Variants in CAPZA1 observed in about 807,000 individuals in gnomAD.
CAPZA1 encodes capping actin protein of muscle Z-line subunit alpha 1.
A neutral mutation model predicts 40.8 loss-of-function variants in CAPZA1; 10 were observed. The ratio of observed to expected loss-of-function variants is 0.25; its 90% CI spans 0.15 to 0.42. The LOEUF is 0.42. Ranked by LOEUF, CAPZA1 falls within the 10% of genes least tolerant of loss-of-function variation. The pLI is 1.00. For missense variants in CAPZA1, 277 were observed against 353.8 expected, an observed-to-expected ratio of 0.78 and a Z score of 1.74; for synonymous variants, 98 against 115.0, an observed-to-expected ratio of 0.85 and a Z score of 0.95.
chr1:112,627,176 G>C (rs1225953393), intron 1 of CAPZA1, among the ~76,000 whole-genome samples: 1 of 152,222 alleles, frequency 6.6e-6, no homozygotes, highest in Non-Finnish European at 1.5e-5. Flanking sequence ...GTTGTCTGCT[G>C]TCAGAGCCTA....
chr1:112,634,194 T>C (rs1000128397), intron 1 of CAPZA1, among the ~76,000 whole-genome samples: 3 of 152,176 alleles, frequency 2.0e-5, no homozygotes, highest in South Asian at 4.1e-4. Context: ...CCTGTACATA[T>C]CTCTTTCAGG....
chr1:112,636,351 T>C (rs755845746), intron 1 of CAPZA1, among the ~76,000 whole-genome samples: 3 of 152,208 alleles, frequency 2.0e-5, no homozygotes, highest in Admixed American at 6.5e-5. Context: ...ATAAGACGAA[T>C]GGGAAGAAAT....
At position 112,641,880 on chromosome 1, in the gene CAPZA1, C is replaced by T. The variant is rs1289658018; in HGVS notation, c.40-5330C>T. On this transcript the variant is annotated intron_variant, in intron 1 of 9. Transcript: ENST00000263168. ...CTCCAGCCTGGGTGACAGACTGAGA[C>T]TGTCTCAAAAAAAAAAAAAAAAAAA... 1.9e-4 allele frequency among the ~76,000 whole-genome samples: 20 copies of T among 105,798 alleles called. No individual in the cohort carries two copies. The Middle Eastern group carries it at 0.03, about 158-fold the overall frequency. The allele number at this position is 105,798 out of a possible 152,430, so 69.4% of individuals were successfully genotyped here. A position where few individuals can be genotyped will look rare whatever the true frequency, so the allele number is the denominator to read the frequency against.
chr1:112,648,347 C>CTTTTTTTTTTTTT (rs35670246), intron 2 of CAPZA1, among the ~76,000 whole-genome samples: 13 of 99,386 alleles, frequency 1.3e-4, no homozygotes, highest in East Asian at 3.0e-4. Context: ...TTGAATTTTT[C>CTTTTTTTTTTTTT]TTTTTTTTTT....
intron 4 of CAPZA1, among the ~76,000 whole-genome samples, 174 bp downstream of exon 4, chr1:112,653,835 C>A (rs1480301382): frequency 6.6e-6 from 1 of 152,152 alleles, no homozygotes; most frequent in Admixed American, 6.6e-5. Flanking sequence ...CTAGCAGTTT[C>A]TTTGACAAGA....
chr1:112,620,953 G>C (rs900512989), intron 1 of CAPZA1: 2 of 152,172 alleles, frequency 1.3e-5, no homozygotes, highest in African/African-American at 4.8e-5. Flanking sequence ...ATTAGAAAAT[G>C]TGTCCCCTTG....
At chr1:112,637,618 T>G (rs2101149526) in intron 1 of CAPZA1, among the ~76,000 whole-genome samples, 1 of 152,308 alleles carries the variant, frequency 6.6e-6, no homozygotes, top group East Asian at 1.9e-4. Context: ...CGGCTAAATT[T>G]TCTTGTTATT....
chr1:112,644,061 T>A (rs1671232846), intron 1 of CAPZA1, among the ~76,000 whole-genome samples: 2 of 151,700 alleles, frequency 1.3e-5, no homozygotes, highest in Non-Finnish European at 2.9e-5. Flanking sequence ...GCCAGGTTGG[T>A]CTCGAACTCC....
At chr1:112,668,668 T>C (rs1404171762) in intron 8 of CAPZA1, among the ~76,000 whole-genome samples, 1 of 152,088 alleles carries the variant, frequency 6.6e-6, no homozygotes, top group Admixed American at 6.5e-5. Flanking sequence ...GTATTTTTAG[T>C]AGAGACAGGG....
chr1:112,649,040 A>G (rs2101165624), intron 2 of CAPZA1, among the ~76,000 whole-genome samples: 1 of 152,212 alleles, frequency 6.6e-6, no homozygotes, highest in East Asian at 1.9e-4. Flanking sequence ...AGATTCTCCA[A>G]GGTTAAGAAT....
At chr1:112,640,693 G>T in intron 1 of CAPZA1, among the ~76,000 whole-genome samples, 1 of 152,182 alleles carries the variant, frequency 6.6e-6, no homozygotes, top group East Asian at 1.9e-4. Context: ...GAGCCCCTCT[G>T]CCTGGCCACC....
At chr1:112,646,767 T>A (rs1424470745) in intron 1 of CAPZA1, 2 of 151,822 alleles carry the variant, frequency 1.3e-5, no homozygotes, top group Admixed American at 6.6e-5. Flanking sequence ...TGAGTTGAGA[T>A]GATCACATGG....
intron 1 of CAPZA1, among the ~76,000 whole-genome samples, chr1:112,639,929 CCGCCCGGCCAGCCGCCCCG>C (rs1671105230): frequency 7.0e-6 from 1 of 142,402 alleles, no homozygotes. Flanking sequence ...GGTCAGCCCC[CCGCCCGGCCAGCCGCCCCG>C]TCCGGGAGGG....
At chr1:112,633,201 C>T (rs1005751834) in intron 1 of CAPZA1, among the ~76,000 whole-genome samples, 13 of 152,156 alleles carry the variant, frequency 8.5e-5, no homozygotes, top group Admixed American at 8.5e-4. Context: ...ACTGTATACC[C>T]TCTAATTTCT....
chr1:112,620,019 C>T (rs180902247), intron 1 of CAPZA1, 136 bp downstream of exon 1: 1 of 672,006 alleles, frequency 1.5e-6, no homozygotes, highest in East Asian at 2.9e-5. Flanking sequence ...TCTCCGCAGT[C>T]GGGACGCTTC....
chr1:112,650,213 A>G (rs1328654575), intron 3 of CAPZA1, among the ~76,000 whole-genome samples: 1 of 152,216 alleles, frequency 6.6e-6, no homozygotes, highest in African/African-American at 2.4e-5. Context: ...CAGAGCAACA[A>G]ATAATTATCA....
At chr1:112,641,906 AT>A (rs367612629) in intron 1 of CAPZA1, among the ~76,000 whole-genome samples, 190 of 147,250 alleles carry the variant, frequency 1.3e-3, no homozygotes, top group Non-Finnish European at 2.2e-3. Context: ...AAAAAAAAAA[AT>A]ACTAAAACTG....
intron 1 of CAPZA1, among the ~76,000 whole-genome samples, chr1:112,643,107 T>A (rs935129834): frequency 2.6e-5 from 4 of 152,130 alleles, no homozygotes; most frequent in Non-Finnish European, 5.9e-5. Flanking sequence ...AAAAAAAGGT[T>A]TATTATTAAA....
At chr1:112,627,917 G>A (rs1052739198) in intron 1 of CAPZA1, among the ~76,000 whole-genome samples, 3 of 151,924 alleles carry the variant, frequency 2.0e-5, no homozygotes, top group Non-Finnish European at 2.9e-5. Flanking sequence ...CCAAGATTGC[G>A]CCATTGCACT....
Sources: allele counts gnomAD v4.1 joint callset (sites outside exome capture counted in the v4.1 genomes callset), GRCh38; gene constraint gnomAD v4.1.1; transcripts MANE v1.5; gene names NCBI Gene and HGNC (gene_info 2026-07-23, HGNC 2026-07-21).